PELP1: variants seen among roughly 807,000 people sequenced by gnomAD.
PELP1 encodes proline-, glutamic acid- and leucine-rich protein 1.
Under a neutral mutation model 95.5 loss-of-function variants are expected in PELP1, and 32 were observed. The ratio of observed to expected loss-of-function variants is 0.34; its 90% confidence interval spans 0.25 to 0.45. PELP1 has a LOEUF of 0.45. PELP1 is among the 20% of genes least tolerant of loss of function. The probability of loss-of-function intolerance (pLI) is 1.00; values close to 1 mark genes in which losing one functional copy is unlikely to be tolerated. For synonymous variants in PELP1, 668 were observed against 600.1 expected, an observed-to-expected ratio of 1.11 and a Z score of -1.65; for missense variants, 1,358 against 1,444.8, an observed-to-expected ratio of 0.94 and a Z score of 0.97.
intron 3 of PELP1, among the ~76,000 whole-genome samples, chr17:4,687,340 C>G (rs137952791): frequency 0.025 from 3,835 of 152,098 alleles, 68 homozygotes; most frequent in Non-Finnish European, 0.039. Context: ...GTCAGGAGAT[C>G]GAGATCATCC....
At chr17:4,674,052 G>A (rs1912348468) in intron 13 of PELP1, among the ~76,000 whole-genome samples, 1 of 152,220 alleles carries the variant, frequency 6.6e-6, no homozygotes, top group Admixed American at 6.5e-5. Flanking sequence ...GTTACGGTGA[G>A]AGCAGGGAGC....
chr17:4,674,460 G>A (rs1285890998), intron 13 of PELP1, 50 bp downstream of exon 13: 2 of 1,557,362 alleles, frequency 1.3e-6, no homozygotes, highest in Admixed American at 1.9e-5. Context: ...TAGGGGAAAG[G>A]ATGGGGTCCC....
chr17:4,676,058 G>C lies in PELP1; in HGVS notation c.958C>G (p.Arg320Gly). ...CACCTGAGCATGAGCCCTAGGCAGC[G>C]GGCCAGTCCCGAAAACCTCTGCCGA... is the stretch of plus-strand genomic sequence containing the variant. ...QLRQRFSGLARCLGLMLSSEF... is the reference protein window; with the variant it reads ...QLRQRFSGLAGCLGLMLSSEF... Residue 320 changes from arginine (R) to glycine (G), a missense_variant, in exon 8 of 17, where the codon CGC (arginine) becomes GGC (glycine). This residue lies in a region of PELP1 where 538 missense variants were observed against 628.1 expected (regional missense o/e 0.86). Transcript: ENST00000572293. 1.2e-6 allele frequency: 2 copies of C among 1,613,856 alleles called. No individual in the cohort carries two copies. Among genetic ancestry groups the C allele is most frequent in the Non-Finnish European group, 1.7e-6 (2 of 1,179,852 alleles).
chr17:4,685,802 A>AAAAAGAAC (rs55738952), intron 3 of PELP1, among the ~76,000 whole-genome samples: 3 of 147,106 alleles, frequency 2.0e-5, no homozygotes, highest in Non-Finnish European at 3.0e-5. Flanking sequence ...TAAAAAAAAA[A>AAAAAGAAC]GAACAAAAAA....
At position 4,672,176 on chromosome 17, in the gene PELP1, CTTCTTCCTCAAA is replaced by C. The variant is rs769276654; in HGVS notation, c.2803_2814del (p.Phe935_Glu938del). 27 of 1,552,070 alleles carry C rather than the reference CTTCTTCCTCAAA, an allele frequency of 1.7e-5. No homozygotes were observed. Among genetic ancestry groups the C allele is most frequent in the African/African-American group, 2.7e-5 (2 of 73,012 alleles). On this transcript the variant is annotated inframe_deletion, in exon 16 of 17. Coordinates refer to ENST00000572293, the MANE Select transcript of PELP1 (RefSeq NM_014389.3). Reference sequence around the variant, plus strand: ...TCTTCTTCTTCCTCTAACTCACCTTCTTCTTCCTCAAATTCTTCCTCAAACTCTTCTTCCTCC... The same window carrying C: ...TCTTCTTCTTCCTCTAACTCACCTTCTTCTTCCTCAAACTCTTCTTCCTCC...
At chr17:4,692,292 C>T (rs1311689477) in intron 1 of PELP1, among the ~76,000 whole-genome samples, 26 of 151,802 alleles carry the variant, frequency 1.7e-4, no homozygotes, top group Admixed American at 1.7e-3. Context: ...ATGGTGAAAC[C>T]CCGTCTCTAC....
chr17:4,695,043 C>T (rs1913242522), intron 1 of PELP1, among the ~76,000 whole-genome samples: 1 of 151,608 alleles, frequency 6.6e-6, no homozygotes, highest in African/African-American at 2.4e-5. Flanking sequence ...AAATAAAAGG[C>T]CAGGCACCGT....
chr17:4,680,494 T>C (rs556108878), intron 5 of PELP1, among the ~76,000 whole-genome samples: 1 of 152,230 alleles, frequency 6.6e-6, no homozygotes, highest in South Asian at 2.1e-4. Context: ...CCCAGGCTGG[T>C]CTCAAACTCC....
chr17:4,693,551 C>T (rs1223598454), intron 1 of PELP1, among the ~76,000 whole-genome samples: 1 of 152,138 alleles, frequency 6.6e-6, no homozygotes, highest in Non-Finnish European at 1.5e-5. Flanking sequence ...CGCTTTGGGC[C>T]ATTATGAAGT....
Position 4,672,749 on chromosome 17 carries a change from G to T in PELP1, c.2242C>A (p.Pro748Thr). ...PILAPSGTPPPTIPPDETFGG... is the reference protein window; with the variant it reads ...PILAPSGTPPTTIPPDETFGG... ...AAAGTTTCATCTGGGGGTATAGTAG[G>T]TGGGGGAGTCCCACTAGGGGCAAGG... The change falls in exon 16 of 17, where the codon CCT becomes ACT. Residue 748 changes from proline to threonine, a missense_variant. This residue lies in a region of PELP1 where 340 missense variants were observed against 322.9 expected (regional missense o/e 1.05). Coordinates refer to ENST00000572293, the MANE Select transcript of PELP1 (RefSeq NM_014389.3). The T allele has an allele frequency of 6.2e-7, 1 of 1,613,654 alleles. No homozygotes were observed. The highest frequency in any genetic ancestry group is 8.5e-7 in the Non-Finnish European group (1 of 1,179,708).
intron 1 of PELP1, among the ~76,000 whole-genome samples, chr17:4,699,897 A>ATTTTT (rs34806511): frequency 0.016 from 1,402 of 86,670 alleles, 127 homozygotes; most frequent in African/African-American, 0.049. Flanking sequence ...CTAGAGGGTG[A>ATTTTT]TTTTTTTTTT....
At chr17:4,683,301 A>G (rs1310861877) in intron 3 of PELP1, among the ~76,000 whole-genome samples, 1 of 150,358 alleles carries the variant, frequency 6.7e-6, no homozygotes, top group Non-Finnish European at 1.5e-5. Flanking sequence ...GCTCACTGCA[A>G]GCTCCGCCTC....
In PELP1 at chr17:4,675,705, G is replaced by T. The variant is rs1912434079; in HGVS notation, c.1068+92C>A. 2.2e-6 allele frequency: 2 copies of T among 893,586 alleles called. No individual in the cohort carries two copies. Among genetic ancestry groups the T allele is most frequent in the Non-Finnish European group, 3.7e-6 (2 of 545,714 alleles). 55.4% of individuals were successfully genotyped at this position (893,586 alleles called of 1,614,324 possible). On this transcript the variant is annotated intron_variant, in intron 9 of 16. Transcript: ENST00000572293. The surrounding 1 kb of genome is among the most constrained non-coding windows in gnomAD (Gnocchi z 4.3). ...AAGCTCTCTGGGACGACTCCAGGAT[G>T]ACACTGTTTGGGGAGACTCAGGTCC... is the stretch of plus-strand genomic sequence containing the variant.
At chr17:4,682,429 T>C (rs892187489) in intron 5 of PELP1, 73 bp downstream of exon 5, 17 of 967,496 alleles carry the variant, frequency 1.8e-5, no homozygotes, top group Non-Finnish European at 2.7e-5. Context: ...TGCTTAGGAA[T>C]CTCAGGACAG....
chr17:4,698,673 C>CA (rs916772567), intron 1 of PELP1, among the ~76,000 whole-genome samples: 19 of 141,044 alleles, frequency 1.3e-4, no homozygotes, highest in Non-Finnish European at 2.3e-4. Context: ...CAAACAACAA[C>CA]AAAAAAAACA....
rs200159543 is a variant in PELP1, at chr17:4,703,943, G to C, written c.169C>G (p.His57Asp). Reference protein sequence around the residue: ...PRTGSAVAPVHPPNRSAPHLP... With the variant: ...PRTGSAVAPVDPPNRSAPHLP... ...TGTGGGGCCGAGCGGTTTGGGGGAT[G>C]CACCGGAGCAACGGCAGACCCCGTT... The change falls in exon 1 of 17, where the codon CAT (histidine) becomes GAT (aspartate). Residue 57 changes from histidine to aspartate, a missense_variant. This residue lies in a region of PELP1 where 169 missense variants were observed against 134.9 expected (regional missense o/e 1.25). Coordinates refer to ENST00000572293, the MANE Select transcript of PELP1 (RefSeq NM_014389.3). The C allele has an allele frequency of 1.9e-3, 3,020 of 1,613,634 alleles. 4 individuals carry two copies. Among genetic ancestry groups the C allele is most frequent in the Admixed American group, 5.3e-3 (316 of 60,030 alleles).
chr17:4,683,324 C>A (rs965411175), intron 3 of PELP1, among the ~76,000 whole-genome samples: 1 of 150,446 alleles, frequency 6.6e-6, no homozygotes, highest in African/African-American at 2.4e-5. Flanking sequence ...GGGTTCACGC[C>A]ATTCTCCTGC....
At chr17:4,696,832 T>C (rs1913318524) in intron 1 of PELP1, 1 of 151,942 alleles carries the variant, frequency 6.6e-6, no homozygotes, top group Admixed American at 6.6e-5. Context: ...GGGTCCAAGA[T>C]AATGCCAAGG....
At chr17:4,687,767 G>A (rs960334860) in intron 3 of PELP1, among the ~76,000 whole-genome samples, 1 of 152,154 alleles carries the variant, frequency 6.6e-6, no homozygotes, top group African/African-American at 2.4e-5. Flanking sequence ...TCTCTCCAGA[G>A]CTTGGTACAC....
Sources: allele counts gnomAD v4.1 joint callset (sites outside exome capture counted in the v4.1 genomes callset), GRCh38; gene constraint gnomAD v4.1.1; regional missense constraint gnomAD v4.1.1; non-coding constraint Gnocchi (gnomAD v3.1); transcripts MANE v1.5; gene names NCBI Gene and HGNC (gene_info 2026-07-23, HGNC 2026-07-21).